STPG2: variants seen among roughly 807,000 people sequenced by gnomAD.
The protein encoded by STPG2 is sperm-tail PG-rich repeat-containing protein 2.
In STPG2, 56 loss-of-function variants were observed where a neutral mutation model predicts 54.2. That is an observed-to-expected ratio of 1.03 (90% confidence interval 0.83 to 1.29). The LOEUF (loss-of-function observed/expected upper bound fraction) is 1.29. STPG2 is among the 50% of genes most tolerant of loss of function. The pLI, the probability that STPG2 is intolerant of heterozygous loss-of-function variation, is 0.00. For synonymous variants in STPG2, 200 were observed against 181.8 expected, an observed-to-expected ratio of 1.10 and a Z score of -0.81; for missense variants, 596 against 544.9, an observed-to-expected ratio of 1.09 and a Z score of -0.93.
intron 4 of STPG2, chr4:97,463,462 T>A: frequency 6.6e-6 from 1 of 152,336 alleles, no homozygotes; most frequent in South Asian, 2.1e-4. Context: ...TTGTTTATTG[T>A]TTTTGAGAAG....
chr4:97,944,276 T>G (rs956965168), intron 7 of STPG2, among the ~76,000 whole-genome samples: 1 of 152,072 alleles, frequency 6.6e-6, no homozygotes, highest in Non-Finnish European at 1.5e-5. Context: ...ATTAGCTATG[T>G]TCTATTTCAT....
chr4:97,725,349 T>C (rs1724587195), intron 9 of STPG2, among the ~76,000 whole-genome samples: 1 of 151,840 alleles, frequency 6.6e-6, no homozygotes, highest in Non-Finnish European at 1.5e-5. Flanking sequence ...TAGTCTTTGT[T>C]TCCTTAAGTA....
At chr4:97,485,513 C>T (rs761922311) in intron 4 of STPG2, among the ~76,000 whole-genome samples, 2 of 151,594 alleles carry the variant, frequency 1.3e-5, no homozygotes, top group Non-Finnish European at 2.9e-5. Flanking sequence ...GGCAAAAGAC[C>T]TCTACAATGA....
intron 10 of STPG2, among the ~76,000 whole-genome samples, chr4:97,648,287 C>T (rs28566098): frequency 0.45 from 67,891 of 152,034 alleles, 16,749 homozygotes; most frequent in South Asian, 0.62. Context: ...ATCCCTCAGT[C>T]GTGGGCTAGT....
chr4:97,962,133 C>A (rs1346291356), intron 7 of STPG2, among the ~76,000 whole-genome samples: 1 of 152,174 alleles, frequency 6.6e-6, no homozygotes, highest in Non-Finnish European at 1.5e-5. Context: ...CTTATGTTCT[C>A]ATTCATATGT....
chr4:97,687,307 G>A (rs1471918236), intron 10 of STPG2, among the ~76,000 whole-genome samples: 2 of 141,186 alleles, frequency 1.4e-5, no homozygotes, highest in African/African-American at 5.4e-5. Context: ...AAGTACAAGT[G>A]TATGCACTGA....
chr4:97,807,849 A>G (rs1206233530), intron 9 of STPG2, among the ~76,000 whole-genome samples: 1 of 152,186 alleles, frequency 6.6e-6, no homozygotes, highest in African/African-American at 2.4e-5. Context: ...GGTACATCAT[A>G]GTAAAATTTT....
chr4:97,546,595 G>A (rs1385715732), intron 4 of STPG2, among the ~76,000 whole-genome samples: 1 of 152,044 alleles, frequency 6.6e-6, no homozygotes, highest in East Asian at 1.9e-4. Context: ...AAAGAAAATG[G>A]AGAAAGAAAA....
At chr4:97,540,268 T>C (rs928613531) in intron 4 of STPG2, among the ~76,000 whole-genome samples, 1 of 151,702 alleles carries the variant, frequency 6.6e-6, no homozygotes, top group African/African-American at 2.4e-5. Context: ...ATCAAATAGA[T>C]GCAATAAATA....
chr4:97,821,876 T>G (rs979751437), intron 9 of STPG2, among the ~76,000 whole-genome samples: 6 of 152,162 alleles, frequency 3.9e-5, no homozygotes, highest in Non-Finnish European at 8.8e-5. Context: ...GTCCCCCAAG[T>G]CATTCTAAGA....
At chr4:97,929,951 G>C (rs148660404) in intron 8 of STPG2, among the ~76,000 whole-genome samples, 3 of 152,068 alleles carry the variant, frequency 2.0e-5, no homozygotes, top group African/African-American at 7.2e-5. Context: ...CCAGGCTGGA[G>C]TGCACTGGCA....
intron 4 of STPG2, among the ~76,000 whole-genome samples, chr4:97,447,582 A>T (rs1729256618): frequency 6.6e-6 from 1 of 152,170 alleles, no homozygotes; most frequent in African/African-American, 2.4e-5. Flanking sequence ...TAAAACGGGC[A>T]AGGTATGGTT....
chr4:98,018,536 A>G (rs1736051492), intron 5 of STPG2, among the ~76,000 whole-genome samples: 1 of 152,192 alleles, frequency 6.6e-6, no homozygotes, highest in Non-Finnish European at 1.5e-5. Context: ...CATACCCAGT[A>G]ATGGGATGGC....
chr4:97,979,154 T>A (rs1300182174), intron 6 of STPG2, among the ~76,000 whole-genome samples: 1 of 152,152 alleles, frequency 6.6e-6, no homozygotes, highest in Non-Finnish European at 1.5e-5. Context: ...AAGAATCGTA[T>A]CATCTTGGGA....
chr4:97,456,346 A>AG (rs377658230), intron 4 of STPG2, among the ~76,000 whole-genome samples: 4 of 151,974 alleles, frequency 2.6e-5, no homozygotes, highest in African/African-American at 4.8e-5. Flanking sequence ...GAGAGAGCCA[A>AG]GGGGGAAAGT....
Position 98,143,261 on chromosome 4 carries a change from G to C in STPG2, c.-111C>G, listed in dbSNP as rs1578192026. ...AGCCGACACCAGTCTGAGGAGGCCG[G>C]GAAAGAACTTCCGTAAACAGGGAAA... On this transcript the variant is annotated 5_prime_UTR_variant, in exon 1 of 11. Transcript: ENST00000295268. 6.7e-6 allele frequency: 5 copies of C among 749,240 alleles called. No individual in the cohort carries two copies. In the East Asian group the frequency reaches 1.1e-4, roughly 16 times the overall value. 46.4% of individuals were successfully genotyped at this position (749,240 alleles called of 1,614,324 possible).
intron 4 of STPG2, among the ~76,000 whole-genome samples, chr4:97,524,828 T>G (rs927996480): frequency 6.6e-6 from 1 of 152,022 alleles, no homozygotes; most frequent in African/African-American, 2.4e-5. Context: ...TCTTCACACT[T>G]GAGAATTTTT....
intron 5 of STPG2, among the ~76,000 whole-genome samples, chr4:98,097,641 A>G (rs186506148): frequency 2.0e-4 from 30 of 152,294 alleles, no homozygotes; most frequent in Admixed American, 3.9e-4. Context: ...ATCAGACAAG[A>G]GAAAGAAATA....
chr4:97,646,464 T>A (rs1560701555), intron 10 of STPG2, among the ~76,000 whole-genome samples: 2 of 152,156 alleles, frequency 1.3e-5, no homozygotes, highest in Non-Finnish European at 2.9e-5. Context: ...TAGTCTTTTA[T>A]ATAAAGTGTG....
Sources: gnomAD v4.1 joint callset for allele counts (sites outside exome capture counted in the v4.1 genomes callset) on GRCh38, gnomAD v4.1.1 for gene constraint, MANE v1.5 for transcripts, NCBI Gene and HGNC (gene_info 2026-07-23, HGNC 2026-07-21) for gene names.